The following PCDHGB6 variants were observed in gnomAD, a reference collection of about 807,000 sequenced individuals.
PCDHGB6 encodes the protein protocadherin gamma subfamily B, 6, also known as protocadherin gamma-B6.
A neutral mutation model predicts 59.1 loss-of-function variants in PCDHGB6; 51 were observed. That is an observed-to-expected ratio of 0.86 (90% CI 0.69 to 1.09). PCDHGB6 has a LOEUF of 1.09. PCDHGB6 is among the 50% of genes least tolerant of loss of function. PCDHGB6 has a pLI of 0.00. For synonymous variants in PCDHGB6, 466 were observed against 495.1 expected (o/e 0.94, Z 0.78); for missense variants, 1,148 against 1,205.1 (o/e 0.95, Z 0.70).
At chr5:141,427,008 C>G (rs762510673) in intron 1 of PCDHGB6, 145 of 456,786 alleles carry the variant, frequency 3.2e-4, no homozygotes, top group African/African-American at 2.8e-3. Context: ...AGTTTTTAGC[C>G]AGGATGTATA....
At chr5:141,503,743 G>C (rs1465272424) in intron 2 of PCDHGB6, among the ~76,000 whole-genome samples, 1 of 152,126 alleles carries the variant, frequency 6.6e-6, no homozygotes, top group Non-Finnish European at 1.5e-5. Context: ...TGATGGTATA[G>C]AGGTCACACA....
chr5:141,509,144 G>C (rs969990007), intron 3 of PCDHGB6, among the ~76,000 whole-genome samples: 14 of 152,114 alleles, frequency 9.2e-5, no homozygotes, highest in Admixed American at 2.0e-4. Context: ...GGCGCATCCC[G>C]GCTCTCCCCT....
At chr5:141,500,086 A>G (rs1456179271) in intron 2 of PCDHGB6, among the ~76,000 whole-genome samples, 1 of 151,682 alleles carries the variant, frequency 6.6e-6, no homozygotes, top group Non-Finnish European at 1.5e-5. Flanking sequence ...TCCATCTTCC[A>G]TTTTTGCAAT....
intron 1 of PCDHGB6, among the ~76,000 whole-genome samples, chr5:141,456,877 C>T (rs910777736): frequency 2.0e-5 from 3 of 152,202 alleles, no homozygotes; most frequent in South Asian, 2.1e-4. Context: ...GCAGGAGAAT[C>T]GCTTGAACCC....
intron 1 of PCDHGB6, chr5:141,430,959 T>A: frequency 6.2e-7 from 1 of 1,612,026 alleles, no homozygotes; most frequent in Non-Finnish European, 8.5e-7. Flanking sequence ...GTCCGCATCA[T>A]CCCCAGAGGT....
At chr5:141,505,143 CAG>C (rs1332770308) in intron 2 of PCDHGB6, among the ~76,000 whole-genome samples, 1 of 152,172 alleles carries the variant, frequency 6.6e-6, no homozygotes, top group Non-Finnish European at 1.5e-5. Context: ...GCCTGGATGA[CAG>C]AGTAAGACCC....
intron 1 of PCDHGB6, chr5:141,442,382 T>C (rs1256682275): frequency 6.6e-6 from 1 of 152,290 alleles, no homozygotes; most frequent in East Asian, 1.9e-4. Flanking sequence ...CTACCAGGTG[T>C]GTGCTTCTCC....
intron 1 of PCDHGB6, among the ~76,000 whole-genome samples, chr5:141,484,009 T>A (rs1157069536): frequency 7.1e-5 from 1 of 14,094 alleles, no homozygotes; most frequent in African/African-American, 2.8e-4. Flanking sequence ...TGGATGAGGG[T>A]GGGGGTGGGG....
chr5:141,426,311 G>C (rs895147447), intron 1 of PCDHGB6: 7 of 173,614 alleles, frequency 4.0e-5, no homozygotes, highest in Middle Eastern at 2.9e-3. Context: ...AAGCAGAGAA[G>C]CAGGACCCGG....
intron 1 of PCDHGB6, among the ~76,000 whole-genome samples, chr5:141,434,245 T>G (rs921135977): frequency 3.3e-5 from 5 of 152,224 alleles, no homozygotes; most frequent in African/African-American, 1.2e-4. Context: ...CTAGATGACT[T>G]GGGCATTGTG....
At chr5:141,501,116 C>T (rs1325487254) in intron 2 of PCDHGB6, among the ~76,000 whole-genome samples, 1 of 152,154 alleles carries the variant, frequency 6.6e-6, no homozygotes, top group Non-Finnish European at 1.5e-5. Flanking sequence ...ATCCGCCTGC[C>T]TCAGCCTCCC....
In PCDHGB6 at chr5:141,409,268, A is replaced by G. The variant is rs753457286; in HGVS notation, c.1066A>G (p.Ile356Val). The change falls in exon 1 of 4, where the codon ATT becomes GTT. Residue 356 changes from isoleucine (I) to valine (V), a missense_variant. Transcript: ENST00000520790. ...AATCATCACTTCTCTCTCTGATCAG[A>G]TTTTGGAGAATTCACCTCCAGGAAT... ...EIIITSLSDQILENSPPGMVV... is the reference protein window; with the variant it reads ...EIIITSLSDQVLENSPPGMVV... The G allele has an allele frequency of 1.5e-5, 24 of 1,613,896 alleles. No individual in the cohort carries two copies. The highest frequency in any genetic ancestry group is 2.0e-5 in the Non-Finnish European group (24 of 1,179,886).
In PCDHGB6 at chr5:141,506,176, C is replaced by T. The variant is rs183157987; in HGVS notation, c.2566+695C>T. ...CCTTAAGAGCACAGCCTAAGCTGGG[C>T]GTGGTGGCTCACGCCTGTAATCCCA... is the stretch of plus-strand genomic sequence containing the variant. On this transcript the variant is annotated intron_variant, in intron 3 of 3. Coordinates refer to ENST00000520790, the MANE Select transcript of PCDHGB6 (RefSeq NM_018926.3). Among the ~76,000 whole-genome samples the T allele has an allele frequency of 3.0e-3, 454 of 152,234 alleles. 1 individual carries two copies. The highest frequency in any genetic ancestry group is 0.021 in the Admixed American group (317 of 15,296).
In PCDHGB6 at chr5:141,431,304, T is replaced by G. The variant is rs749116196; in HGVS notation, c.2418+20684T>G. The G allele has an allele frequency of 7.4e-6, 12 of 1,614,104 alleles. No individual in the cohort carries two copies. Among genetic ancestry groups the G allele is most frequent in the Non-Finnish European group, 9.3e-6 (11 of 1,180,030 alleles). On this transcript the variant is annotated intron_variant, in intron 1 of 3. Coordinates refer to ENST00000520790, the MANE Select transcript of PCDHGB6 (RefSeq NM_018926.3). The surrounding 1 kb of genome is among the most constrained non-coding windows in gnomAD (Gnocchi z 4.8). ...CCGAACACTCACTTCTCCCTCATCGTGCAAAATGGAGCCGACGGTAGTAAG... is the reference window on the plus strand; with the variant it reads ...CCGAACACTCACTTCTCCCTCATCGGGCAAAATGGAGCCGACGGTAGTAAG...
intron 1 of PCDHGB6, among the ~76,000 whole-genome samples, chr5:141,450,823 A>ATTT: frequency 7.5e-6 from 1 of 133,136 alleles, no homozygotes; most frequent in African/African-American, 2.9e-5. Flanking sequence ...TAATATTATT[A>ATTT]TTATTATTTT....
intron 1 of PCDHGB6, chr5:141,479,478 G>T (rs760475025): frequency 2.6e-5 from 4 of 152,408 alleles, no homozygotes; most frequent in African/African-American, 9.6e-5. Context: ...TCTTGGGAGG[G>T]CAGGACCATC....
In PCDHGB6 at chr5:141,409,700, G is replaced by GCGGTGT. The variant is rs1561722150; in HGVS notation, c.1501_1506dup (p.Val501_Ser502dup). 2 of 1,613,280 alleles carry GCGGTGT rather than the reference G, an allele frequency of 1.2e-6. No homozygotes were observed. Among genetic ancestry groups the GCGGTGT allele is most frequent in the Admixed American group, 3.3e-5 (2 of 60,016 alleles). Reference sequence around the variant, plus strand: ...AGTGGCGAGTGACCTAGAGCCCCTGGCGGTGTCGTCATACGTGTCAGTGAG... The same window carrying GCGGTGT: ...AGTGGCGAGTGACCTAGAGCCCCTGGCGGTGTCGGTGTCGTCATACGTGTCAGTGAG... On this transcript the variant is annotated inframe_insertion, in exon 1 of 4. Coordinates refer to ENST00000520790, the MANE Select transcript of PCDHGB6 (RefSeq NM_018926.3).
At chr5:141,488,660 G>A (rs1274725688) in intron 1 of PCDHGB6, among the ~76,000 whole-genome samples, 1 of 152,148 alleles carries the variant, frequency 6.6e-6, no homozygotes, top group East Asian at 1.9e-4. Flanking sequence ...GGGAGGGTGG[G>A]GGAATACATG....
intron 1 of PCDHGB6, among the ~76,000 whole-genome samples, chr5:141,453,067 C>T (rs1227122711): frequency 1.3e-5 from 2 of 152,024 alleles, no homozygotes; most frequent in Admixed American, 6.6e-5. Flanking sequence ...AGAGTTTTGC[C>T]ACACTCTGGT....
Sources: gnomAD v4.1 joint callset for allele counts (sites outside exome capture counted in the v4.1 genomes callset) on GRCh38, gnomAD v4.1.1 for gene constraint, Gnocchi (gnomAD v3.1) non-coding constraint, MANE v1.5 for transcripts, NCBI Gene and HGNC (gene_info 2026-07-23, HGNC 2026-07-21) for gene names.